UGT1A8: variants seen among roughly 807,000 people sequenced by gnomAD.
UGT1A8 encodes UDP glucuronosyltransferase family 1 member A8.
UGT1A8 carries 39 observed loss-of-function variants against 45.3 expected under a neutral mutation model. The observed-to-expected ratio is 0.86, with a 90% CI of 0.67 to 1.12. UGT1A8 has a LOEUF of 1.12. UGT1A8 is among the 50% of genes most tolerant of loss of function. The probability of loss-of-function intolerance (pLI) is 0.00; values close to 1 mark genes in which losing one functional copy is unlikely to be tolerated. For synonymous variants in UGT1A8, 275 were observed against 249.2 expected, an observed-to-expected ratio of 1.10 and a Z score of -0.97; for missense variants, 719 against 664.9, an observed-to-expected ratio of 1.08 and a Z score of -0.90.
At position 233,772,912 on chromosome 2, in the gene UGT1A8, CAAA is replaced by C. The variant is rs1449737327; in HGVS notation, c.*354_*356del. 1 of 388,968 alleles carries C rather than the reference CAAA, an allele frequency of 2.6e-6. No homozygotes were observed. Among genetic ancestry groups the C allele is most frequent in the Non-Finnish European group, 4.5e-6 (1 of 221,772 alleles). The allele number at this position is 388,968 out of a possible 1,614,324, so 24.1% of individuals were successfully genotyped here. On this transcript the variant is annotated 3_prime_UTR_variant, in exon 5 of 5. Transcript: ENST00000373450. ...GGTGGTCCCACGGCTGCCCCTACTG[CAAA>C]TGGCAGTTTTAATCTTATCTTTTGG...
chr2:233,642,654 T>C (rs2125465221), intron 1 of UGT1A8, among the ~76,000 whole-genome samples: 1 of 152,334 alleles, frequency 6.6e-6, no homozygotes, highest in South Asian at 2.1e-4. Context: ...TTTGTAGCCG[T>C]CCTTCTTGGA....
In UGT1A8 at chr2:233,644,241, T is replaced by C. The variant is rs565055651; in HGVS notation, c.855+25679T>C. On this transcript the variant is annotated intron_variant, in intron 1 of 4. Coordinates refer to ENST00000373450, the MANE Select transcript of UGT1A8 (RefSeq NM_019076.5). ...GGCATTCAAGTTCAGACCTCTGAGATCAGCAATTTCCCTCAGCCTAGGGCT... is the reference window on the plus strand; with the variant it reads ...GGCATTCAAGTTCAGACCTCTGAGACCAGCAATTTCCCTCAGCCTAGGGCT... 1.6e-3 allele frequency among the ~76,000 whole-genome samples: 245 copies of C among 152,296 alleles called. 3 individuals are homozygous for C. The highest frequency in any genetic ancestry group is 5.7e-3 in the African/African-American group (236 of 41,568).
chr2:233,731,097 CT>C (rs1455789609), intron 1 of UGT1A8, among the ~76,000 whole-genome samples: 1 of 151,946 alleles, frequency 6.6e-6, no homozygotes, highest in South Asian at 2.1e-4. Flanking sequence ...ATTTCTGTGC[CT>C]TTTTTATAAA....
At chr2:233,713,231 T>C in intron 1 of UGT1A8, 1 of 1,614,264 alleles carries the variant, frequency 6.2e-7, no homozygotes, top group South Asian at 1.1e-5. Flanking sequence ...TGACAACGTA[T>C]GCCATTTCAT....
intron 1 of UGT1A8, among the ~76,000 whole-genome samples, chr2:233,632,665 T>C (rs1356863206): frequency 6.6e-6 from 1 of 152,206 alleles, no homozygotes; most frequent in Non-Finnish European, 1.5e-5. Context: ...TGCTTGTGAT[T>C]TTTGCATATT....
chr2:233,665,148 T>G (rs1457583854), intron 1 of UGT1A8, among the ~76,000 whole-genome samples: 1 of 152,216 alleles, frequency 6.6e-6, no homozygotes, highest in Non-Finnish European at 1.5e-5. Flanking sequence ...TTACTTTGCA[T>G]TTTTCATTTG....
At chr2:233,713,162 G>A in intron 1 of UGT1A8, 1 of 1,614,256 alleles carries the variant, frequency 6.2e-7, no homozygotes, top group Non-Finnish European at 8.5e-7. Context: ...GAGGCCACCA[G>A]GTGGTGGTCC....
intron 1 of UGT1A8, chr2:233,648,285 T>A: frequency 3.3e-6 from 2 of 612,092 alleles, no homozygotes; most frequent in Admixed American, 4.5e-5. Context: ...ATCCTTTAGA[T>A]ATGTGTGGCT....
intron 1 of UGT1A8, among the ~76,000 whole-genome samples, chr2:233,654,064 A>G (rs566139711): frequency 1.7e-4 from 26 of 152,372 alleles, no homozygotes; most frequent in African/African-American, 6.3e-4. Context: ...AGAATTCTCC[A>G]TAAGTCTATA....
chr2:233,618,124 G>C lies in UGT1A8; in HGVS notation c.417G>C (p.Glu139Asp), dbSNP rs1457765093. 1 of 1,613,994 alleles carries C rather than the reference G, an allele frequency of 6.2e-7. No homozygotes were observed. Among genetic ancestry groups the C allele is most frequent in the Non-Finnish European group, 8.5e-7 (1 of 1,180,034 alleles). The change falls in exon 1 of 5, where the codon GAG becomes GAC. Residue 139 changes from glutamate (E) to aspartate (D), a missense_variant. By Grantham distance (45) the Glu-to-Asp change is conservative. Transcript: ENST00000373450. ...NDRKLVEYLK[E>D]SSFDAVFLDP... is the part of the protein sequence containing the mutation. ...GAAAATTAGTAGAATACTTAAAGGA[G>C]AGTTCTTTTGATGCGGTGTTTCTTG...
intron 1 of UGT1A8, among the ~76,000 whole-genome samples, chr2:233,717,526 T>C (rs1481309562): frequency 5.3e-5 from 8 of 152,182 alleles, no homozygotes; most frequent in Non-Finnish European, 1.0e-4. Context: ...ACTTCCTCCA[T>C]AAGGGAAGCC....
intron 1 of UGT1A8, among the ~76,000 whole-genome samples, chr2:233,629,154 C>T (rs1575385667): frequency 6.6e-6 from 1 of 152,202 alleles, no homozygotes; most frequent in South Asian, 2.1e-4. Context: ...AACCAGCATT[C>T]CACTCTTTTA....
At chr2:233,740,251 C>G (rs922661439) in intron 1 of UGT1A8, among the ~76,000 whole-genome samples, 2 of 151,726 alleles carry the variant, frequency 1.3e-5, no homozygotes, top group African/African-American at 4.9e-5. Flanking sequence ...TAGACTAATA[C>G]AAGATTGGTG....
At chr2:233,752,930 C>G (rs1695091959) in intron 1 of UGT1A8, among the ~76,000 whole-genome samples, 1 of 152,236 alleles carries the variant, frequency 6.6e-6, no homozygotes, top group South Asian at 2.1e-4. Context: ...TGGTATGCCA[C>G]TCTTTGCTGA....
chr2:233,744,674 A>C (rs1324161550), intron 1 of UGT1A8, among the ~76,000 whole-genome samples: 16 of 151,928 alleles, frequency 1.1e-4, no homozygotes, highest in South Asian at 4.1e-4. Flanking sequence ...ATTACACATC[A>C]CCCATGTAGC....
At chr2:233,716,337 C>A (rs17868335) in intron 1 of UGT1A8, among the ~76,000 whole-genome samples, 15,441 of 152,180 alleles carry the variant, frequency 0.1, 906 homozygotes, top group East Asian at 0.2. Flanking sequence ...CCCAGGTTTG[C>A]GCAACTACAA....
intron 1 of UGT1A8, among the ~76,000 whole-genome samples, chr2:233,660,893 T>A (rs1345535887): frequency 3.3e-5 from 5 of 152,184 alleles, no homozygotes; most frequent in Admixed American, 6.6e-5. Flanking sequence ...TTGAGATTTT[T>A]AAAGTCAAAC....
At chr2:233,632,979 A>C (rs1189155803) in intron 1 of UGT1A8, among the ~76,000 whole-genome samples, 1 of 152,190 alleles carries the variant, frequency 6.6e-6, no homozygotes. Context: ...TGTCATAAAT[A>C]ACTTTTATTA....
chr2:233,706,273 C>T (rs549440001), intron 1 of UGT1A8, among the ~76,000 whole-genome samples: 5 of 152,218 alleles, frequency 3.3e-5, no homozygotes, highest in African/African-American at 7.2e-5. Flanking sequence ...TGCCCAACCT[C>T]AGGGGTGGGG....
Sources: gnomAD v4.1 joint callset for allele counts (sites outside exome capture counted in the v4.1 genomes callset) on GRCh38, gnomAD v4.1.1 for gene constraint, MANE v1.5 for transcripts, NCBI Gene and HGNC (gene_info 2026-07-23, HGNC 2026-07-21) for gene names.